Variants in PARD3 observed in about 807,000 individuals in gnomAD.
PARD3 encodes the protein partitioning defective 3 homolog.
Under a neutral mutation model 155.4 loss-of-function variants are expected in PARD3, and 75 were observed. The observed-to-expected ratio is 0.48, with a 90% confidence interval of 0.40 to 0.58. The LOEUF is 0.58. Ranked by LOEUF, PARD3 falls within the 20% of genes least tolerant of loss-of-function variation. The pLI is 0.00. For missense variants in PARD3, 1,642 were observed against 1,721.7 expected, an observed-to-expected ratio of 0.95 and a Z score of 0.82; for synonymous variants, 576 against 610.5, an observed-to-expected ratio of 0.94 and a Z score of 0.83.
At chr10:34,442,544 T>C (rs1043585833) in intron 5 of PARD3, among the ~76,000 whole-genome samples, 3 of 152,072 alleles carry the variant, frequency 2.0e-5, no homozygotes, top group African/African-American at 2.4e-5. Flanking sequence ...CTGGGCAACA[T>C]TTAAAAGGCC....
intron 2 of PARD3, among the ~76,000 whole-genome samples, chr10:34,695,185 G>A (rs554849790): frequency 6.6e-6 from 1 of 152,144 alleles, no homozygotes; most frequent in Non-Finnish European, 1.5e-5. Context: ...AATACAAAAG[G>A]AGTGGCCAGG....
intron 1 of PARD3, among the ~76,000 whole-genome samples, chr10:34,756,938 T>A (rs11009919): frequency 0.024 from 3,596 of 152,298 alleles, 145 homozygotes; most frequent in African/African-American, 0.083. Context: ...AATCTTAGTT[T>A]CAAATTTTAG....
At chr10:34,146,457 T>C (rs926880952) in intron 22 of PARD3, among the ~76,000 whole-genome samples, 3 of 152,214 alleles carry the variant, frequency 2.0e-5, no homozygotes, top group African/African-American at 7.2e-5. Flanking sequence ...TTTTAAAACA[T>C]TGAGTTTGTA....
chr10:34,616,606 A>G (rs753908534), intron 2 of PARD3, among the ~76,000 whole-genome samples: 1 of 152,200 alleles, frequency 6.6e-6, no homozygotes, highest in Non-Finnish European at 1.5e-5. Flanking sequence ...GTACAGAAAG[A>G]TAAATACAGC....
intron 2 of PARD3, among the ~76,000 whole-genome samples, chr10:34,638,720 CA>C (rs2092568953): frequency 6.6e-6 from 1 of 152,160 alleles, no homozygotes; most frequent in South Asian, 2.1e-4. Flanking sequence ...AAAAATACCA[CA>C]AAACAGCTCA....
rs16935429 is a variant in PARD3 at position 34,458,885 on chromosome 10, C to G, written c.583-8437G>C. Among the ~76,000 whole-genome samples, 1,372 of 152,252 alleles carry G rather than the reference C, an allele frequency of 9.0e-3. 34 individuals are homozygous for G. Among genetic ancestry groups the G allele is most frequent in the Admixed American group, 0.055 (842 of 15,294 alleles). On this transcript the variant is annotated intron_variant, in intron 4 of 24. Transcript: ENST00000374788. Reference sequence around the variant, plus strand: ...TTCCCCTAGAGCCACCAGCATTCCACTATCAGCAGTGGGCAGGAATGGAGA... The same window carrying G: ...TTCCCCTAGAGCCACCAGCATTCCAGTATCAGCAGTGGGCAGGAATGGAGA...
At chr10:34,509,983 A>C (rs2081307863) in intron 3 of PARD3, among the ~76,000 whole-genome samples, 2 of 152,236 alleles carry the variant, frequency 1.3e-5, no homozygotes, top group African/African-American at 4.8e-5. Flanking sequence ...ACAAAAAAGA[A>C]GGATATCATA....
chr10:34,377,872 G>C (rs1022432438), intron 10 of PARD3, 95 bp downstream of exon 10: 1 of 991,188 alleles, frequency 1.0e-6, no homozygotes, highest in Admixed American at 3.0e-5. Flanking sequence ...GTATATAACT[G>C]AATTTCATAT....
chr10:34,443,925 G>C (rs1415270051), intron 5 of PARD3, among the ~76,000 whole-genome samples: 4 of 152,150 alleles, frequency 2.6e-5, no homozygotes, highest in African/African-American at 9.7e-5. Flanking sequence ...TGGATGGTGG[G>C]ATTCTTTTGT....
intron 2 of PARD3, among the ~76,000 whole-genome samples, chr10:34,648,548 C>T (rs1480298847): frequency 2.0e-5 from 3 of 152,196 alleles, no homozygotes; most frequent in Non-Finnish European, 2.9e-5. Context: ...TGGCCTCCGC[C>T]TCAGATCATC....
rs3039232 is a variant in PARD3 at position 34,155,668 on chromosome 10, A to ATGTGTGTGTGTGTGTG, written c.3420-24101_3420-24086dup. Reference sequence around the variant, plus strand: ...TTCAGAAACCACAAGCCCTCTAAAAATGTGTGTGTGTGTGTGTGTGTGTGT... The same window carrying ATGTGTGTGTGTGTGTG: ...TTCAGAAACCACAAGCCCTCTAAAAATGTGTGTGTGTGTGTGTGTGTGTGTGTGTGTGTGTGTGTGT... On this transcript the variant is annotated intron_variant, in intron 22 of 24. Coordinates refer to ENST00000374788, the MANE Select transcript of PARD3 (RefSeq NM_001184785.2). 2.0e-3 allele frequency among the ~76,000 whole-genome samples: 282 copies of ATGTGTGTGTGTGTGTG among 140,414 alleles called. 3 individuals carry two copies. The highest frequency in any genetic ancestry group is 6.5e-3 in the African/African-American group (247 of 38,012). 92.1% of individuals were successfully genotyped at this position (140,414 alleles called of 152,430 possible). A position where few individuals can be genotyped will look rare whatever the true frequency, so the allele number is the denominator to read the frequency against.
At chr10:34,725,557 T>C (rs1681524967) in intron 1 of PARD3, among the ~76,000 whole-genome samples, 1 of 152,200 alleles carries the variant, frequency 6.6e-6, no homozygotes, top group African/African-American at 2.4e-5. Flanking sequence ...CAGTCCCTAC[T>C]TCCTCAACTG....
chr10:34,605,971 C>A lies in PARD3; in HGVS notation c.223-88812G>T, dbSNP rs56077897. Among the ~76,000 whole-genome samples, 285 of 53,834 alleles carry A rather than the reference C, an allele frequency of 5.3e-3. 75 individuals are homozygous for A. Among genetic ancestry groups the A allele is most frequent in the African/African-American group, 0.017 (171 of 10,210 alleles). The allele number at this position is 53,834 out of a possible 152,430, so 35.3% of individuals were successfully genotyped here. ...TCCTATATATATATATCTCCTATAT[C>A]TATATCTCCTATATATATATATCTC... On this transcript the variant is annotated intron_variant, in intron 2 of 24. Transcript: ENST00000374788.
intron 22 of PARD3, among the ~76,000 whole-genome samples, chr10:34,218,618 A>T (rs991214979): frequency 2.0e-5 from 3 of 151,892 alleles, no homozygotes; most frequent in African/African-American, 4.8e-5. Context: ...AGAAAAACAA[A>T]TTTTTTTTTG....
intron 1 of PARD3, among the ~76,000 whole-genome samples, chr10:34,772,748 C>A (rs530504619): frequency 7.0e-6 from 1 of 142,182 alleles, no homozygotes; most frequent in Admixed American, 7.3e-5. Context: ...GAGCCGAGAT[C>A]GCACCACTGC....
At position 34,131,535 on chromosome 10, in the gene PARD3, T is replaced by C; in HGVS notation, c.3468A>G (p.Gln1156=). The change falls in exon 23 of 25, where the codon CAA becomes CAG. Residue 1156 remains glutamine (Q), a synonymous_variant. Coordinates refer to ENST00000374788, the MANE Select transcript of PARD3 (RefSeq NM_001184785.2). ...CATCTTGCTTTGCTTGCTGAAATTC[T>C]TGCCTCAGACGCTGTATCCGATCAT... ...SNHDRIQRLR[Q]EFQQAKQDED... The C allele has an allele frequency of 1.2e-6, 2 of 1,614,086 alleles. No homozygotes were observed. The highest frequency in any genetic ancestry group is 1.7e-6 in the Non-Finnish European group (2 of 1,179,910).
intron 2 of PARD3, among the ~76,000 whole-genome samples, chr10:34,631,579 A>G (rs968553226): frequency 6.6e-6 from 1 of 152,170 alleles, no homozygotes; most frequent in African/African-American, 2.4e-5. Flanking sequence ...AAATTGCTCT[A>G]ATTTCATAAC....
chr10:34,418,410 GC>G (rs1845876611), intron 5 of PARD3, among the ~76,000 whole-genome samples: 1 of 152,120 alleles, frequency 6.6e-6, no homozygotes, highest in Non-Finnish European at 1.5e-5. Flanking sequence ...CTAGACTCAA[GC>G]AATCTGCCCA....
At chr10:34,123,713 T>C (rs1177257100) in intron 23 of PARD3, among the ~76,000 whole-genome samples, 2 of 152,150 alleles carry the variant, frequency 1.3e-5, no homozygotes, top group African/African-American at 4.8e-5. Context: ...GGAGATTACA[T>C]GCTTGTAATG....
Sources: gnomAD v4.1 joint callset for allele counts (sites outside exome capture counted in the v4.1 genomes callset) on GRCh38, gnomAD v4.1.1 for gene constraint, MANE v1.5 for transcripts, NCBI Gene and HGNC (gene_info 2026-07-23, HGNC 2026-07-21) for gene names.